Variants in NMNAT2 observed in about 807,000 individuals in gnomAD.
The protein encoded by NMNAT2 is nicotinamide/nicotinic acid mononucleotide adenylyltransferase 2.
NMNAT2 carries 11 observed loss-of-function variants against 41.6 expected under a neutral mutation model. The observed-to-expected ratio is 0.26, with a 90% CI of 0.17 to 0.44. The LOEUF is 0.44. Ranked by LOEUF, NMNAT2 falls within the 20% of genes least tolerant of loss-of-function variation. The probability of loss-of-function intolerance (pLI) is 1.00; values close to 1 mark genes in which losing one functional copy is unlikely to be tolerated. For missense variants in NMNAT2, 288 were observed against 407.7 expected (o/e 0.71, Z 2.53); for synonymous variants, 148 against 151.2 (o/e 0.98, Z 0.16).
At chr1:183,406,395 G>A (rs1648954820) in intron 1 of NMNAT2, among the ~76,000 whole-genome samples, 1 of 152,122 alleles carries the variant, frequency 6.6e-6, no homozygotes, top group African/African-American at 2.4e-5. Context: ...TGGATCTCGA[G>A]GAAAAGAACT....
At chr1:183,275,980 T>C (rs563968858) in intron 8 of NMNAT2, among the ~76,000 whole-genome samples, 1 of 152,186 alleles carries the variant, frequency 6.6e-6, no homozygotes, top group African/African-American at 2.4e-5. Flanking sequence ...AGTATTTCAG[T>C]TTTAAAACCG....
intron 1 of NMNAT2, among the ~76,000 whole-genome samples, chr1:183,342,441 T>C (rs1054847625): frequency 6.6e-6 from 1 of 152,226 alleles, no homozygotes; most frequent in Non-Finnish European, 1.5e-5. Flanking sequence ...ACAGTTCACA[T>C]CCTTCTTTTA....
At chr1:183,294,587 T>C (rs1344279858) in intron 1 of NMNAT2, among the ~76,000 whole-genome samples, 1 of 152,100 alleles carries the variant, frequency 6.6e-6, no homozygotes, top group Non-Finnish European at 1.5e-5. Flanking sequence ...GGTCAGGAGT[T>C]CAAGACCAGC....
chr1:183,384,543 C>T lies in NMNAT2; in HGVS notation c.85+33640G>A, dbSNP rs150361388. Among the ~76,000 whole-genome samples the T allele has an allele frequency of 3.0e-3, 459 of 152,286 alleles. 1 individual carries two copies. Among genetic ancestry groups the T allele is most frequent in the African/African-American group, 0.011 (440 of 41,570 alleles). On this transcript the variant is annotated intron_variant, in intron 1 of 10. Transcript: ENST00000287713. ...ACCAAATCTTGTGAGAACTCACTCGCAATCACAAGAACGGCAAGGGGAGAG... is the reference window on the plus strand; with the variant it reads ...ACCAAATCTTGTGAGAACTCACTCGTAATCACAAGAACGGCAAGGGGAGAG...
In NMNAT2 at chr1:183,297,994, AATTC is replaced by A. The variant is rs1325356252; in HGVS notation, c.86-4205_86-4202del. 2.0e-5 allele frequency among the ~76,000 whole-genome samples: 3 copies of A among 152,194 alleles called. No homozygotes were observed. In the East Asian group the frequency reaches 5.8e-4, roughly 29 times the overall value. On this transcript the variant is annotated intron_variant, in intron 1 of 10. Coordinates refer to ENST00000287713, the MANE Select transcript of NMNAT2 (RefSeq NM_015039.4). The stretch of plus-strand genomic sequence containing the variant: ...TTGATGCAGAAAAAGCGTTTGACAA[AATTC>A]AACATTCATTCATGACAAAAACTCT...
At chr1:183,286,618 A>C (rs1661404212) in intron 5 of NMNAT2, 44 bp downstream of exon 5, 1 of 1,540,282 alleles carries the variant, frequency 6.5e-7, no homozygotes, top group Non-Finnish European at 8.8e-7. Context: ...CAAGCCCTCC[A>C]CATGATTCTG....
At chr1:183,417,376 A>G (rs1649284572) in intron 1 of NMNAT2, among the ~76,000 whole-genome samples, 1 of 151,892 alleles carries the variant, frequency 6.6e-6, no homozygotes, top group South Asian at 2.1e-4. Flanking sequence ...AGTCATTCGC[A>G]CATTCGTACA....
At chr1:183,341,472 G>A (rs1292416846) in intron 1 of NMNAT2, among the ~76,000 whole-genome samples, 2 of 142,912 alleles carry the variant, frequency 1.4e-5, no homozygotes, top group East Asian at 2.1e-4. Context: ...GAGCTCAGGA[G>A]TTTGAGACCA....
intron 1 of NMNAT2, among the ~76,000 whole-genome samples, chr1:183,344,563 G>T (rs778343121): frequency 3.9e-5 from 6 of 152,172 alleles, no homozygotes; most frequent in Non-Finnish European, 7.3e-5. Flanking sequence ...GCACTTAGTA[G>T]GTGCTTTATA....
intron 1 of NMNAT2, 101 bp downstream of exon 1, chr1:183,418,082 G>T: frequency 8.8e-7 from 1 of 1,138,952 alleles, no homozygotes; most frequent in South Asian, 1.3e-5. Flanking sequence ...CCACCCCTCC[G>T]AAGGGGCACA....
chr1:183,284,552 G>A (rs1157477466), intron 6 of NMNAT2, among the ~76,000 whole-genome samples, 158 bp downstream of exon 6: 3 of 152,218 alleles, frequency 2.0e-5, no homozygotes, highest in Admixed American at 6.5e-5. Context: ...TGTGTGCAAC[G>A]CCTGTGTGGG....
At position 183,320,506 on chromosome 1, in the gene NMNAT2, T is replaced by C. The variant is rs1050539539; in HGVS notation, c.86-26713A>G. ...CTGTAATGCCAGCTACTCGGGAGGC[T>C]GAGGCAGGAGAATCGCTTAAACCCA... On this transcript the variant is annotated intron_variant, in intron 1 of 10. Coordinates refer to ENST00000287713, the MANE Select transcript of NMNAT2 (RefSeq NM_015039.4). Among the ~76,000 whole-genome samples, 8 of 152,156 alleles carry C rather than the reference T, an allele frequency of 5.3e-5. No homozygotes were observed. The East Asian group carries it at 1.5e-3, about 29-fold the overall frequency.
Position 183,406,878 on chromosome 1 carries a change from G to A in NMNAT2, c.85+11305C>T, listed in dbSNP as rs1440898703. On this transcript the variant is annotated intron_variant, in intron 1 of 10. Transcript: ENST00000287713. Reference sequence around the variant, plus strand: ...CTGTTACCCAGGCTGGAGTGCAGTGGCGAGATCTCAGCTCACTGCAACCTC... The same window carrying A: ...CTGTTACCCAGGCTGGAGTGCAGTGACGAGATCTCAGCTCACTGCAACCTC... Among the ~76,000 whole-genome samples, 4 of 146,450 alleles carry A rather than the reference G, an allele frequency of 2.7e-5. No homozygotes were observed. In the East Asian group the frequency reaches 8.1e-4, roughly 30 times the overall value.
At chr1:183,333,925 CTGTCTAAT>C (rs1662633530) in intron 1 of NMNAT2, among the ~76,000 whole-genome samples, 1 of 152,162 alleles carries the variant, frequency 6.6e-6, no homozygotes, top group Non-Finnish European at 1.5e-5. Context: ...TCCACCAATG[CTGTCTAAT>C]TGTCCCCAGT....
At chr1:183,300,573 T>C (rs543523496) in intron 1 of NMNAT2, among the ~76,000 whole-genome samples, 1 of 152,316 alleles carries the variant, frequency 6.6e-6, no homozygotes, top group Non-Finnish European at 1.5e-5. Flanking sequence ...GGTATTTTGT[T>C]ACAGCAGCCC....
chr1:183,337,132 T>G (rs1216833697), intron 1 of NMNAT2, among the ~76,000 whole-genome samples: 1 of 152,222 alleles, frequency 6.6e-6, no homozygotes, highest in Non-Finnish European at 1.5e-5. Context: ...CAGGTGTATT[T>G]GTCAAAATTC....
At chr1:183,394,637 A>G (rs977039336) in intron 1 of NMNAT2, among the ~76,000 whole-genome samples, 2 of 152,168 alleles carry the variant, frequency 1.3e-5, no homozygotes, top group African/African-American at 4.8e-5. Context: ...ACAGGATGAG[A>G]GCCACCTGAC....
intron 1 of NMNAT2, among the ~76,000 whole-genome samples, chr1:183,321,055 T>C (rs76619463): frequency 6.3e-4 from 96 of 152,286 alleles, no homozygotes; most frequent in Middle Eastern, 3.4e-3. Context: ...CTCTATAAAA[T>C]TGGTTTAATA....
At chr1:183,328,458 C>A (rs1662514308) in intron 1 of NMNAT2, among the ~76,000 whole-genome samples, 1 of 152,228 alleles carries the variant, frequency 6.6e-6, no homozygotes, top group African/African-American at 2.4e-5. Flanking sequence ...CCTCCTTGGG[C>A]AATGCCCTTG....
Sources: gnomAD v4.1 joint callset for allele counts (sites outside exome capture counted in the v4.1 genomes callset) on GRCh38, gnomAD v4.1.1 for gene constraint, MANE v1.5 for transcripts, NCBI Gene and HGNC (gene_info 2026-07-23, HGNC 2026-07-21) for gene names.